CNTN6: variants seen among roughly 807,000 people sequenced by gnomAD.
CNTN6 encodes contactin 6.
In CNTN6, 137 loss-of-function variants were observed where a neutral mutation model predicts 122.8. That is an observed-to-expected ratio of 1.12 (90% CI 0.97 to 1.29). CNTN6 has a LOEUF of 1.29. Among genes scored for constraint, CNTN6 ranks in the 50% most tolerant of loss-of-function variants. The pLI, the probability that CNTN6 is intolerant of heterozygous loss-of-function variation, is 0.00. For missense variants in CNTN6, 1,634 were observed against 1,223.4 expected, an observed-to-expected ratio of 1.34 and a Z score of -5.01; for synonymous variants, 570 against 426.0, an observed-to-expected ratio of 1.34 and a Z score of -4.16.
chr3:1,219,661 A>T (rs1480996614), intron 2 of CNTN6, among the ~76,000 whole-genome samples: 1 of 152,170 alleles, frequency 6.6e-6, no homozygotes, highest in Non-Finnish European at 1.5e-5. Flanking sequence ...TAAGGTGTTA[A>T]AGTCAGGGAA....
intron 4 of CNTN6, among the ~76,000 whole-genome samples, chr3:1,247,492 G>A (rs2094598836): frequency 6.6e-6 from 1 of 151,846 alleles, no homozygotes; most frequent in South Asian, 2.1e-4. Context: ...GAAACCAAAG[G>A]AGAATAAAAT....
At chr3:1,388,252 C>A (rs1208928277) in intron 20 of CNTN6, among the ~76,000 whole-genome samples, 1 of 148,870 alleles carries the variant, frequency 6.7e-6, no homozygotes. Context: ...GGGTCCCTGA[C>A]CCCTGACCCC....
At chr3:1,238,930 A>T (rs1187307517) in intron 4 of CNTN6, among the ~76,000 whole-genome samples, 1 of 152,176 alleles carries the variant, frequency 6.6e-6, no homozygotes, top group Non-Finnish European at 1.5e-5. Flanking sequence ...AGATCCAAAT[A>T]AACTCTATTA....
chr3:1,305,398 G>A (rs1049648396), intron 7 of CNTN6, among the ~76,000 whole-genome samples: 2 of 152,158 alleles, frequency 1.3e-5, no homozygotes, highest in African/African-American at 4.8e-5. Flanking sequence ...TGGAGTTTCA[G>A]AGCTGACATG....
intron 4 of CNTN6, among the ~76,000 whole-genome samples, chr3:1,276,503 C>G (rs1025934210): frequency 6.6e-6 from 1 of 152,148 alleles, no homozygotes; most frequent in African/African-American, 2.4e-5. Context: ...ACGTACATAG[C>G]TCACGATATG....
At chr3:1,300,875 A>G (rs1376099284) in intron 7 of CNTN6, among the ~76,000 whole-genome samples, 1 of 152,080 alleles carries the variant, frequency 6.6e-6, no homozygotes, top group Non-Finnish European at 1.5e-5. Flanking sequence ...CTAATCAGGA[A>G]AAATGAAGCT....
chr3:1,254,369 G>C (rs1050739336), intron 4 of CNTN6, among the ~76,000 whole-genome samples: 1 of 151,972 alleles, frequency 6.6e-6, no homozygotes, highest in Non-Finnish European at 1.5e-5. Context: ...ATATTTCTAC[G>C]TGTTTACTTA....
At chr3:1,224,906 C>T (rs535966085) in intron 3 of CNTN6, among the ~76,000 whole-genome samples, 7 of 151,996 alleles carry the variant, frequency 4.6e-5, no homozygotes, top group African/African-American at 7.2e-5. Context: ...CCACTATGCC[C>T]GGCTAATTTT....
At chr3:1,199,799 A>T (rs1214883294) in intron 2 of CNTN6, among the ~76,000 whole-genome samples, 3 of 152,194 alleles carry the variant, frequency 2.0e-5, no homozygotes, top group Non-Finnish European at 4.4e-5. Flanking sequence ...TCTTGTCAAT[A>T]TAAGTACTTG....
intron 11 of CNTN6, among the ~76,000 whole-genome samples, chr3:1,351,315 G>A (rs1303249611): frequency 2.0e-5 from 3 of 151,878 alleles, no homozygotes; most frequent in Non-Finnish European, 2.9e-5. Flanking sequence ...AATGGATATG[G>A]CATGCATGCC....
intron 2 of CNTN6, among the ~76,000 whole-genome samples, chr3:1,160,367 T>TATATATATATATATATATATATACAC (rs1491110079): frequency 2.5e-4 from 28 of 112,544 alleles, no homozygotes; most frequent in Non-Finnish European, 3.5e-4. Context: ...TATATATATA[T>TATATATATATATATATATATATACAC]ACACACTACC....
chr3:1,280,113 C>T (rs923403033), intron 5 of CNTN6, among the ~76,000 whole-genome samples: 2 of 152,114 alleles, frequency 1.3e-5, no homozygotes, highest in Non-Finnish European at 2.9e-5. Flanking sequence ...TATGCTCTTA[C>T]GATGTTATTC....
At position 1,268,556 on chromosome 3, in the gene CNTN6, G is replaced by A. The variant is rs529431687; in HGVS notation, c.359-9857G>A. Among the ~76,000 whole-genome samples the A allele has an allele frequency of 9.2e-4, 128 of 139,520 alleles. 1 individual carries two copies. The highest frequency in any genetic ancestry group is 1.6e-3 in the Non-Finnish European group (103 of 65,834). 91.5% of individuals were successfully genotyped at this position (139,520 alleles called of 152,430 possible). A position where few individuals can be genotyped will look rare whatever the true frequency, so the allele number is the denominator to read the frequency against. On this transcript the variant is annotated intron_variant, in intron 4 of 22. Transcript: ENST00000446702. ...CGGGAGGAGGAGCTTGCAGTGAGCC[G>A]AGATTGAGCCACTGCACTCCAGCCT... is the stretch of plus-strand genomic sequence containing the variant.
intron 5 of CNTN6, among the ~76,000 whole-genome samples, chr3:1,288,262 G>A (rs957424436): frequency 2.6e-5 from 4 of 152,148 alleles, no homozygotes; most frequent in Non-Finnish European, 4.4e-5. Flanking sequence ...AAATCAGAAG[G>A]GATCCAATAA....
intron 3 of CNTN6, among the ~76,000 whole-genome samples, chr3:1,223,773 C>T (rs2094241004): frequency 6.6e-6 from 1 of 152,190 alleles, no homozygotes; most frequent in African/African-American, 2.4e-5. Flanking sequence ...ATTTAGTCTA[C>T]TCTACCCTAG....
intron 2 of CNTN6, among the ~76,000 whole-genome samples, chr3:1,211,863 C>T (rs1488788177): frequency 2.6e-5 from 4 of 152,178 alleles, no homozygotes; most frequent in Admixed American, 1.3e-4. Context: ...ATATTCACTT[C>T]TCATCCAGTC....
intron 2 of CNTN6, among the ~76,000 whole-genome samples, chr3:1,188,777 A>T (rs1275434724): frequency 6.6e-6 from 1 of 152,244 alleles, no homozygotes; most frequent in Non-Finnish European, 1.5e-5. Flanking sequence ...TTTCCTCCCA[A>T]GCCTATGCTG....
chr3:1,300,642 C>T (rs1031952946), intron 7 of CNTN6, among the ~76,000 whole-genome samples: 1 of 151,794 alleles, frequency 6.6e-6, no homozygotes, highest in South Asian at 2.1e-4. Context: ...ATAACATGAT[C>T]AATATAGTCT....
intron 11 of CNTN6, among the ~76,000 whole-genome samples, chr3:1,341,565 A>C (rs544250827): frequency 2.0e-4 from 30 of 152,270 alleles, no homozygotes; most frequent in Middle Eastern, 3.4e-3. Context: ...CATGGCACCA[A>C]ATAATTACGC....
Sources: gnomAD v4.1 joint callset for allele counts (sites outside exome capture counted in the v4.1 genomes callset) on GRCh38, gnomAD v4.1.1 for gene constraint, MANE v1.5 for transcripts, NCBI Gene and HGNC (gene_info 2026-07-23, HGNC 2026-07-21) for gene names.